Variants in NELL1 observed in about 807,000 individuals in gnomAD.
NELL1 encodes neural EGFL like 1, also known as protein kinase C-binding protein NELL1.
In NELL1, 76 loss-of-function variants were observed where a neutral mutation model predicts 107.4. That is an observed-to-expected ratio of 0.71 (90% confidence interval 0.59 to 0.86). The LOEUF (loss-of-function observed/expected upper bound fraction) is 0.86, where lower values mean the gene tolerates loss of function less well. Among genes scored for constraint, NELL1 ranks in the 40% least tolerant of loss-of-function variants. The probability of loss-of-function intolerance (pLI) is 0.00; values close to 1 mark genes in which losing one functional copy is unlikely to be tolerated. For synonymous variants in NELL1, 353 were observed against 341.2 expected (o/e 1.03, Z -0.38); for missense variants, 1,024 against 1,005.5 (o/e 1.02, Z -0.25).
chr11:20,985,701 A>G (rs560077632), intron 12 of NELL1, among the ~76,000 whole-genome samples: 1 of 152,330 alleles, frequency 6.6e-6, no homozygotes, highest in East Asian at 1.9e-4. Flanking sequence ...TTATCTGAAG[A>G]ATAAACCCAT....
At chr11:21,494,099 G>T in intron 15 of NELL1, among the ~76,000 whole-genome samples, 1 of 151,978 alleles carries the variant, frequency 6.6e-6, no homozygotes, top group East Asian at 1.9e-4. Context: ...TTTACATATA[G>T]TATTAACAAA....
intron 15 of NELL1, among the ~76,000 whole-genome samples, chr11:21,509,446 A>C (rs957568495): frequency 6.6e-6 from 1 of 152,230 alleles, no homozygotes; most frequent in Non-Finnish European, 1.5e-5. Context: ...GTGATTGCAA[A>C]TATCAGAAAG....
At chr11:20,749,232 C>G (rs114299447) in intron 2 of NELL1, among the ~76,000 whole-genome samples, 1 of 152,004 alleles carries the variant, frequency 6.6e-6, no homozygotes, top group Non-Finnish European at 1.5e-5. Context: ...GGGACTATGG[C>G]GGGCGAGAAA....
Position 21,023,348 on chromosome 11 carries a change from T to G in NELL1, c.1300+62788T>G, listed in dbSNP as rs541808906. Reference sequence around the variant, plus strand: ...AAGTCACAAAATGACTTTATAGTAATGCGAAAAGAGTACCAACAGAAACAA... The same window carrying G: ...AAGTCACAAAATGACTTTATAGTAAGGCGAAAAGAGTACCAACAGAAACAA... On this transcript the variant is annotated intron_variant, in intron 12 of 19. Transcript: ENST00000357134. 6.6e-5 allele frequency among the ~76,000 whole-genome samples: 10 copies of G among 152,138 alleles called. No homozygotes were observed. In the East Asian group the frequency reaches 1.9e-3, roughly 29 times the overall value.
chr11:21,033,160 TCTG>T (rs747813838), intron 12 of NELL1, among the ~76,000 whole-genome samples: 20 of 152,170 alleles, frequency 1.3e-4, no homozygotes, highest in Admixed American at 4.6e-4. Context: ...GCTTTGGTGA[TCTG>T]CTGCTTTATT....
At chr11:21,458,847 A>G (rs999978295) in intron 15 of NELL1, among the ~76,000 whole-genome samples, 3 of 152,160 alleles carry the variant, frequency 2.0e-5, no homozygotes, top group African/African-American at 7.2e-5. Context: ...AAAGGAATGA[A>G]GAGAATTTTT....
At chr11:21,495,778 T>G (rs191159757) in intron 15 of NELL1, among the ~76,000 whole-genome samples, 1 of 152,304 alleles carries the variant, frequency 6.6e-6, no homozygotes, top group Non-Finnish European at 1.5e-5. Flanking sequence ...AATATCTTTG[T>G]ATATGCTTAT....
At chr11:21,487,869 G>A (rs1344688618) in intron 15 of NELL1, among the ~76,000 whole-genome samples, 2 of 152,112 alleles carry the variant, frequency 1.3e-5, no homozygotes, top group Non-Finnish European at 2.9e-5. Flanking sequence ...TAACAACCGG[G>A]AGGAGTAGCT....
intron 12 of NELL1, among the ~76,000 whole-genome samples, chr11:20,977,104 G>A (rs1851653019): frequency 6.6e-6 from 1 of 151,758 alleles, no homozygotes; most frequent in African/African-American, 2.4e-5. Context: ...TTTGTATAAG[G>A]CATTTTAATT....
intron 4 of NELL1, among the ~76,000 whole-genome samples, chr11:20,873,115 A>G (rs2134090348): frequency 6.6e-6 from 1 of 152,314 alleles, no homozygotes; most frequent in Non-Finnish European, 1.5e-5. Flanking sequence ...GCACTAAATT[A>G]TCACCCATTT....
At chr11:21,005,241 A>G (rs1852304343) in intron 12 of NELL1, among the ~76,000 whole-genome samples, 1 of 152,208 alleles carries the variant, frequency 6.6e-6, no homozygotes, top group South Asian at 2.1e-4. Flanking sequence ...CTTCTCATTT[A>G]AGCCACTTAA....
chr11:20,774,006 TCCCTCCGTTCCTTTTTTCCTCCCTC>T (rs1402864664), intron 2 of NELL1, among the ~76,000 whole-genome samples: 2 of 150,080 alleles, frequency 1.3e-5, no homozygotes, highest in East Asian at 4.0e-4. Flanking sequence ...CTCCTTTCCT[TCCCTCCGTTCCTTTTTTCCTCCCTC>T]CCCTCCCCTC....
chr11:21,012,908 T>C (rs765903559), intron 12 of NELL1, among the ~76,000 whole-genome samples: 5 of 152,200 alleles, frequency 3.3e-5, no homozygotes, highest in South Asian at 2.1e-4. Context: ...CTAGGAGCAA[T>C]TGGGGGGATT....
At chr11:20,676,333 T>G (rs1854055935) in intron 1 of NELL1, among the ~76,000 whole-genome samples, 1 of 151,834 alleles carries the variant, frequency 6.6e-6, no homozygotes, top group South Asian at 2.1e-4. Context: ...TCTTATTCAT[T>G]TGTTTATTTT....
intron 3 of NELL1, among the ~76,000 whole-genome samples, chr11:20,801,478 C>T (rs1857280577): frequency 6.6e-6 from 1 of 152,130 alleles, no homozygotes; most frequent in South Asian, 2.1e-4. Flanking sequence ...GGTTATTCAT[C>T]CTTTGTCAGA....
intron 15 of NELL1, among the ~76,000 whole-genome samples, chr11:21,430,374 T>C (rs572681556): frequency 9.8e-5 from 15 of 152,310 alleles, no homozygotes; most frequent in African/African-American, 3.6e-4. Flanking sequence ...TGTAGCATCT[T>C]CTGAATAACA....
At chr11:21,462,712 A>T (rs1338729075) in intron 15 of NELL1, among the ~76,000 whole-genome samples, 1 of 151,972 alleles carries the variant, frequency 6.6e-6, no homozygotes, top group Non-Finnish European at 1.5e-5. Context: ...TCTCAGTCGG[A>T]GGTGATGACT....
chr11:21,138,814 G>A (rs537057273), intron 13 of NELL1, among the ~76,000 whole-genome samples: 7 of 152,138 alleles, frequency 4.6e-5, no homozygotes, highest in Non-Finnish European at 7.3e-5. Flanking sequence ...GTGACTCATG[G>A]AGGGGTCCTT....
At chr11:21,238,231 A>G (rs564254496) in intron 14 of NELL1, among the ~76,000 whole-genome samples, 3 of 152,196 alleles carry the variant, frequency 2.0e-5, no homozygotes, top group Non-Finnish European at 4.4e-5. Flanking sequence ...CAACAAGTCT[A>G]TCATGTTTCC....
Sources: allele counts gnomAD v4.1 joint callset (sites outside exome capture counted in the v4.1 genomes callset), GRCh38; gene constraint gnomAD v4.1.1; transcripts MANE v1.5; gene names NCBI Gene and HGNC (gene_info 2026-07-23, HGNC 2026-07-21).